ACTR3B: variants seen among roughly 807,000 people sequenced by gnomAD.
The protein encoded by ACTR3B is actin related protein 3B.
A neutral mutation model predicts 59.0 loss-of-function variants in ACTR3B; 8 were observed. The ratio of observed to expected loss-of-function variants is 0.14; its 90% CI spans 0.08 to 0.24. The LOEUF (loss-of-function observed/expected upper bound fraction) is 0.24, where lower values mean the gene tolerates loss of function less well. Among genes scored for constraint, ACTR3B ranks in the 10% least tolerant of loss-of-function variants. The pLI is 1.00. For missense variants in ACTR3B, 245 were observed against 552.3 expected (o/e 0.44, Z 5.58); for synonymous variants, 148 against 197.9 (o/e 0.75, Z 2.12).
At chr7:152,799,678 C>G (rs1053340097) in intron 2 of ACTR3B, among the ~76,000 whole-genome samples, 2 of 152,182 alleles carry the variant, frequency 1.3e-5, no homozygotes, top group Admixed American at 6.5e-5. Context: ...GTGGAAGCAT[C>G]AAACACGTGT....
chr7:152,784,020 G>T (rs2098163533), intron 2 of ACTR3B, among the ~76,000 whole-genome samples: 1 of 151,998 alleles, frequency 6.6e-6, no homozygotes, highest in African/African-American at 2.4e-5. Flanking sequence ...AAGCTGGGGG[G>T]TGGAGGTTGC....
At chr7:152,820,620 A>G (rs886081364) in intron 7 of ACTR3B, among the ~76,000 whole-genome samples, 178 bp downstream of exon 7, 1 of 152,154 alleles carries the variant, frequency 6.6e-6, no homozygotes, top group African/African-American at 2.4e-5. Flanking sequence ...ACCTCTTCCA[A>G]ACTAGATGCT....
intron 1 of ACTR3B, among the ~76,000 whole-genome samples, chr7:152,771,880 A>G (rs962745561): frequency 2.0e-5 from 3 of 152,160 alleles, no homozygotes; most frequent in Admixed American, 6.5e-5. Flanking sequence ...CAGCTGACCA[A>G]CATGGAGAAA....
At chr7:152,784,752 T>C (rs915128857) in intron 2 of ACTR3B, among the ~76,000 whole-genome samples, 1 of 152,122 alleles carries the variant, frequency 6.6e-6, no homozygotes, top group African/African-American at 2.4e-5. Flanking sequence ...CCTCCCATGG[T>C]CTCATCTCTG....
chr7:152,854,342 T>C lies in ACTR3B; in HGVS notation c.1162-116T>C. On this transcript the variant is annotated intron_variant, in intron 11 of 11. Transcript: ENST00000256001. The surrounding 1 kb of genome is among the most constrained non-coding windows in gnomAD (Gnocchi z 4.9). ...GAGAGGTAAAATCTTGCAGCAGCGG[T>C]CCTGGGAGGGAGGGTGGAGGCCGGG... The C allele has an allele frequency of 1.2e-6, 1 of 863,198 alleles. No homozygotes were observed. Among genetic ancestry groups the C allele is most frequent in the Non-Finnish European group, 1.9e-6 (1 of 517,930 alleles). 53.5% of individuals were successfully genotyped at this position (863,198 alleles called of 1,614,324 possible). A position where few individuals can be genotyped will look rare whatever the true frequency, so the allele number is the denominator to read the frequency against.
intron 9 of ACTR3B, among the ~76,000 whole-genome samples, chr7:152,829,938 T>C (rs1047728993): frequency 6.6e-6 from 1 of 152,110 alleles, no homozygotes; most frequent in Non-Finnish European, 1.5e-5. Flanking sequence ...GTTGTTAAAT[T>C]AGGGGATTTA....
At chr7:152,839,196 G>A (rs2116947989) in intron 9 of ACTR3B, among the ~76,000 whole-genome samples, 1 of 146,390 alleles carries the variant, frequency 6.8e-6, no homozygotes, top group African/African-American at 2.7e-5. Flanking sequence ...TCCGAATTCT[G>A]TGTCACAGGA....
At chr7:152,817,576 G>C (rs1451672057) in intron 6 of ACTR3B, among the ~76,000 whole-genome samples, 1 of 151,930 alleles carries the variant, frequency 6.6e-6, no homozygotes, top group Non-Finnish European at 1.5e-5. Context: ...AAATGTATCG[G>C]AAGTGTCTGA....
At chr7:152,760,714 T>G (rs1193762145) in intron 1 of ACTR3B, among the ~76,000 whole-genome samples, 1 of 152,256 alleles carries the variant, frequency 6.6e-6, no homozygotes, top group Non-Finnish European at 1.5e-5. Flanking sequence ...ACTTCTTTCG[T>G]TGCCGTTAAG....
chr7:152,821,168 C>T (rs1190814406), intron 7 of ACTR3B, among the ~76,000 whole-genome samples: 1 of 152,120 alleles, frequency 6.6e-6, no homozygotes, highest in Non-Finnish European at 1.5e-5. Context: ...GACGTGGTCC[C>T]TTCCATCTCA....
intron 4 of ACTR3B, among the ~76,000 whole-genome samples, chr7:152,807,196 C>T (rs1022915159): frequency 5.3e-5 from 8 of 152,208 alleles, no homozygotes; most frequent in Admixed American, 1.3e-4. Context: ...TTTCCCCCTT[C>T]ACTACAGTAG....
chr7:152,784,105 A>T (rs2116621846), intron 2 of ACTR3B, among the ~76,000 whole-genome samples: 1 of 152,022 alleles, frequency 6.6e-6, no homozygotes, highest in African/African-American at 2.4e-5. Flanking sequence ...AAAAAAAAAG[A>T]TAGGATTCCC....
intron 3 of ACTR3B, among the ~76,000 whole-genome samples, chr7:152,801,111 A>T (rs1478133406): frequency 2.2e-4 from 33 of 152,206 alleles, no homozygotes; most frequent in African/African-American, 7.7e-4. Context: ...GATAGGTCTT[A>T]CTCTGTCATC....
intron 7 of ACTR3B, among the ~76,000 whole-genome samples, chr7:152,822,653 A>G (rs1314240448): frequency 6.6e-6 from 1 of 152,204 alleles, no homozygotes; most frequent in East Asian, 1.9e-4. Flanking sequence ...CTAGAGTGTA[A>G]TCTTGGCAGG....
chr7:152,806,797 A>G (rs1281279924), intron 4 of ACTR3B, among the ~76,000 whole-genome samples: 3 of 152,190 alleles, frequency 2.0e-5, no homozygotes, highest in Non-Finnish European at 1.5e-5. Flanking sequence ...AAGTCTGGGA[A>G]ATGCTTTTTT....
chr7:152,854,499 A>G lies in ACTR3B; in HGVS notation c.1203A>G (p.Glu401=). ...TCTGCCACACCAAGAAGGACTATGA[A>G]GAGTACGGGCCCAGCATCTGCCGCC... is the stretch of plus-strand genomic sequence containing the variant. ...FQVCHTKKDY[E]EYGPSICRHN... The change falls in exon 12 of 12, where the codon GAA becomes GAG. Residue 401 remains glutamate (E), a synonymous_variant. Coordinates refer to ENST00000256001, the MANE Select transcript of ACTR3B (RefSeq NM_020445.6). This position sits in a 1 kb window ranked among gnomAD's most constrained non-coding sequence, Gnocchi z 4.9. The G allele has an allele frequency of 1.2e-6, 2 of 1,614,094 alleles. No individual in the cohort carries two copies. Among genetic ancestry groups the G allele is most frequent in the Non-Finnish European group, 1.7e-6 (2 of 1,180,014 alleles).
chr7:152,779,067 T>A (rs1157250388), intron 1 of ACTR3B, among the ~76,000 whole-genome samples: 4 of 145,748 alleles, frequency 2.7e-5, no homozygotes, highest in Non-Finnish European at 4.5e-5. Flanking sequence ...ATGTGGTGGG[T>A]GGAAGAAGGT....
At chr7:152,840,247 G>A (rs1460225828) in intron 9 of ACTR3B, among the ~76,000 whole-genome samples, 2 of 135,450 alleles carry the variant, frequency 1.5e-5, no homozygotes, top group Admixed American at 7.6e-5. Context: ...GTGTAGTGGC[G>A]GCTTCAGGGA....
At chr7:152,760,009 T>C in intron 1 of ACTR3B, 83 bp downstream of exon 1, 1 of 1,201,238 alleles carries the variant, frequency 8.3e-7, no homozygotes, top group Non-Finnish European at 1.1e-6. Flanking sequence ...GAGGTCGAGC[T>C]GCGTCCGTCG....
Sources: allele counts gnomAD v4.1 joint callset (sites outside exome capture counted in the v4.1 genomes callset), GRCh38; gene constraint gnomAD v4.1.1; non-coding constraint Gnocchi (gnomAD v3.1); transcripts MANE v1.5; gene names NCBI Gene and HGNC (gene_info 2026-07-23, HGNC 2026-07-21).